SLCO6A1: variants seen among roughly 807,000 people sequenced by gnomAD.
SLCO6A1 encodes the protein solute carrier organic anion transporter family member 6A1.
A neutral mutation model predicts 72.7 loss-of-function variants in SLCO6A1; 65 were observed. That is an observed-to-expected ratio of 0.89 (90% CI 0.73 to 1.10). SLCO6A1 has a LOEUF of 1.10. Among genes scored for constraint, SLCO6A1 ranks in the 50% least tolerant of loss-of-function variants. SLCO6A1 has a pLI of 0.00. For synonymous variants in SLCO6A1, 314 were observed against 298.2 expected, an observed-to-expected ratio of 1.05 and a Z score of -0.55; for missense variants, 874 against 872.6, an observed-to-expected ratio of 1.00 and a Z score of -0.02.
At chr5:102,394,637 A>G (rs1332867386) in intron 10 of SLCO6A1, among the ~76,000 whole-genome samples, 1 of 152,122 alleles carries the variant, frequency 6.6e-6, no homozygotes, top group African/African-American at 2.4e-5. Flanking sequence ...ATGCAACTGT[A>G]AAAAATAAAT....
At chr5:102,390,933 A>T in intron 11 of SLCO6A1, 48 bp downstream of exon 11, 2 of 1,484,814 alleles carry the variant, frequency 1.3e-6, no homozygotes, top group Non-Finnish European at 1.9e-6. Flanking sequence ...ACATATATAC[A>T]TATCAAAAAA....
intron 12 of SLCO6A1, among the ~76,000 whole-genome samples, chr5:102,384,666 T>C (rs985027529): frequency 6.6e-6 from 1 of 152,184 alleles, no homozygotes; most frequent in Non-Finnish European, 1.5e-5. Flanking sequence ...TTACTTAACA[T>C]ATTACTGTAG....
intron 1 of SLCO6A1, among the ~76,000 whole-genome samples, chr5:102,490,630 G>A (rs1043023539): frequency 9.2e-5 from 14 of 152,088 alleles, no homozygotes; most frequent in East Asian, 1.9e-4. Flanking sequence ...TCTGATGTTC[G>A]GGTGTGTTCC....
intron 4 of SLCO6A1, among the ~76,000 whole-genome samples, chr5:102,463,251 T>TA (rs1424478416): frequency 1.0e-5 from 1 of 95,536 alleles, no homozygotes. Context: ...TGGCCATAAT[T>TA]AAAAAATAAA....
In SLCO6A1 at chr5:102,480,336, T is replaced by C. The variant is rs200707711; in HGVS notation, c.457A>G (p.Ile153Val). 6.2e-7 allele frequency: 1 copy of C among 1,613,610 alleles called. No homozygotes were observed. The highest frequency in any genetic ancestry group is 1.3e-5 in the African/African-American group (1 of 75,020). ...AATATTGCTACCAGGCCAGATGAAA[T>C]ATCGTAACTCTTTTCCAATGCCAAC... is the stretch of plus-strand genomic sequence containing the variant. ...EKLALEKSYDISSGLVAIFIA... is the reference protein window; with the variant it reads ...EKLALEKSYDVSSGLVAIFIA... Residue 153 changes from isoleucine to valine, a missense_variant, in exon 2 of 14, where the codon ATT (isoleucine) becomes GTT (valine). Coordinates refer to ENST00000506729, the MANE Select transcript of SLCO6A1 (RefSeq NM_173488.5).
intron 6 of SLCO6A1, among the ~76,000 whole-genome samples, chr5:102,447,518 G>T (rs1750178022): frequency 6.6e-6 from 1 of 152,090 alleles, no homozygotes; most frequent in East Asian, 1.9e-4. Flanking sequence ...CTGGTTCGTT[G>T]GTCGTTTTTC....
intron 13 of SLCO6A1, among the ~76,000 whole-genome samples, chr5:102,372,672 C>G (rs1459602465): frequency 6.7e-6 from 1 of 149,266 alleles, no homozygotes; most frequent in East Asian, 1.9e-4. Flanking sequence ...CAATAAAATC[C>G]AAGTGAAGGT....
At chr5:102,449,511 C>CTGCCT (rs761974633) in intron 6 of SLCO6A1, among the ~76,000 whole-genome samples, 164 of 152,154 alleles carry the variant, frequency 1.1e-3, no homozygotes, top group Non-Finnish European at 2.0e-3. Flanking sequence ...CTAAGCCTCC[C>CTGCCT]AAGTAGCTGA....
At position 102,419,869 on chromosome 5, in the gene SLCO6A1, A is replaced by G; in HGVS notation, c.1429T>C (p.Cys477Arg). 2 of 1,608,360 alleles carry G rather than the reference A, an allele frequency of 1.2e-6. No individual in the cohort carries two copies. The highest frequency in any genetic ancestry group is 1.7e-6 in the Non-Finnish European group (2 of 1,178,418). The change falls in exon 8 of 14, where the codon TGT becomes CGT. Residue 477 changes from cysteine to arginine, a missense_variant. Coordinates refer to ENST00000506729, the MANE Select transcript of SLCO6A1 (RefSeq NM_173488.5). ...ATCCCAGCAAATTGCACTGGATTAC[A>G]GCGTACAAAAATAATAAACACAAGC... ...ILLVFIIFVR[C>R]NPVQFAGINE...
At chr5:102,460,364 T>C (rs1750961298) in intron 4 of SLCO6A1, among the ~76,000 whole-genome samples, 1 of 152,170 alleles carries the variant, frequency 6.6e-6, no homozygotes, top group Admixed American at 6.6e-5. Flanking sequence ...TCTGCAATTT[T>C]TCTTCATCTG....
chr5:102,434,495 T>C (rs1212504795), intron 7 of SLCO6A1, among the ~76,000 whole-genome samples: 3 of 152,212 alleles, frequency 2.0e-5, no homozygotes, highest in African/African-American at 7.2e-5. Context: ...ATTACTGCTA[T>C]TGCTGTGAGT....
chr5:102,383,646 C>T (rs1746248003), intron 12 of SLCO6A1, among the ~76,000 whole-genome samples: 1 of 151,536 alleles, frequency 6.6e-6, no homozygotes, highest in Non-Finnish European at 1.5e-5. Context: ...GGATATTGGC[C>T]CTTAATTTTA....
intron 7 of SLCO6A1, among the ~76,000 whole-genome samples, chr5:102,434,988 G>T (rs1337156310): frequency 6.6e-6 from 1 of 152,176 alleles, no homozygotes; most frequent in East Asian, 1.9e-4. Flanking sequence ...ATAAAGTGCA[G>T]TACATAATTT....
chr5:102,493,788 T>C (rs1752789943), intron 1 of SLCO6A1, among the ~76,000 whole-genome samples: 5 of 152,290 alleles, frequency 3.3e-5, no homozygotes, highest in Admixed American at 3.3e-4. Context: ...AATAGGTTAA[T>C]TGAACAAAGA....
rs1561419955 is a variant in SLCO6A1, at chr5:102,388,811, G to A, written c.1894C>T (p.Pro632Ser). The A allele has an allele frequency of 6.3e-7, 1 of 1,599,362 alleles. No homozygotes were observed. The highest frequency in any genetic ancestry group is 8.5e-7 in the Non-Finnish European group (1 of 1,176,198). Residue 632 changes from proline (P) to serine (S), a missense_variant, in exon 12 of 14, where the codon CCA (proline) becomes TCA (serine). Coordinates refer to ENST00000506729, the MANE Select transcript of SLCO6A1 (RefSeq NM_173488.5). ...TCTCCTGACATTTTAAAGATTGATGGTCCAGGAATAGTCCCTATGAAAAAT... is the reference window on the plus strand; with the variant it reads ...TCTCCTGACATTTTAAAGATTGATGATCCAGGAATAGTCCCTATGAAAAAT... ...ILRIFGTIPG[P>S]SIFKMSGETS...
intron 7 of SLCO6A1, among the ~76,000 whole-genome samples, chr5:102,426,820 T>C (rs1478623012): frequency 2.6e-5 from 4 of 152,218 alleles, no homozygotes; most frequent in Non-Finnish European, 5.9e-5. Flanking sequence ...CATGCACAAG[T>C]ATGTTTATTG....
Position 102,458,378 on chromosome 5 carries a change from T to C in SLCO6A1, c.1131+4A>G, listed in dbSNP as rs776185339. On this transcript the variant is annotated splice_donor_region_variant and intron_variant, in intron 6 of 13. Transcript: ENST00000506729. ...GATTGTTCAAGTAAAATATTTTACT[T>C]TACCCAAAGAGCAGCACATAAATCC... 7.5e-6 allele frequency: 12 copies of C among 1,590,994 alleles called. No individual in the cohort carries two copies. Among genetic ancestry groups the C allele is most frequent in the Non-Finnish European group, 1.0e-5 (12 of 1,165,526 alleles).
chr5:102,377,114 T>C (rs372090542), intron 12 of SLCO6A1, among the ~76,000 whole-genome samples: 27 of 152,132 alleles, frequency 1.8e-4, no homozygotes, highest in African/African-American at 6.3e-4. Context: ...CAATGACCCA[T>C]GATCTCTCCA....
chr5:102,452,062 T>C (rs1335404303), intron 6 of SLCO6A1, among the ~76,000 whole-genome samples: 1 of 152,254 alleles, frequency 6.6e-6, no homozygotes, highest in Non-Finnish European at 1.5e-5. Context: ...AACAGTCATA[T>C]AGCAATAATA....
Sources: gnomAD v4.1 joint callset for allele counts (sites outside exome capture counted in the v4.1 genomes callset) on GRCh38, gnomAD v4.1.1 for gene constraint, MANE v1.5 for transcripts, NCBI Gene and HGNC (gene_info 2026-07-23, HGNC 2026-07-21) for gene names.